Variants in GNA13 observed in about 807,000 individuals in gnomAD.
GNA13 encodes G protein subunit alpha 13.
Under a neutral mutation model 33.5 loss-of-function variants are expected in GNA13, and 4 were observed. That is an observed-to-expected ratio of 0.12 (90% CI 0.06 to 0.27). The LOEUF is 0.27. GNA13 is among the 10% of genes least tolerant of loss of function. GNA13 has a pLI of 1.00. For synonymous variants in GNA13, 176 were observed against 183.8 expected, an observed-to-expected ratio of 0.96 and a Z score of 0.34; for missense variants, 319 against 487.2, an observed-to-expected ratio of 0.65 and a Z score of 3.25.
chr17:65,026,815 G>T (rs1906801598), intron 2 of GNA13, among the ~76,000 whole-genome samples: 1 of 152,184 alleles, frequency 6.6e-6, no homozygotes, highest in Admixed American at 6.5e-5. Context: ...TTTCGCTCTT[G>T]TTGCCCAGGC....
chr17:65,055,926 G>C (rs975223106), intron 1 of GNA13, among the ~76,000 whole-genome samples: 5 of 152,172 alleles, frequency 3.3e-5, no homozygotes, highest in African/African-American at 7.2e-5. Flanking sequence ...AGCGGCTAGG[G>C]CTGCTATTGG....
intron 2 of GNA13, among the ~76,000 whole-genome samples, chr17:65,025,014 A>G (rs113354833): frequency 6.6e-6 from 1 of 152,120 alleles, no homozygotes; most frequent in African/African-American, 2.4e-5. Context: ...CTCCCACTTC[A>G]GCCTCCAGCG....
At chr17:65,046,243 A>ATAATTAAATTAAACAATTATTG in intron 2 of GNA13, among the ~76,000 whole-genome samples, 1 of 152,132 alleles carries the variant, frequency 6.6e-6, no homozygotes, top group South Asian at 2.1e-4. Flanking sequence ...AACAATTATT[A>ATAATTAAATTAAACAATTATTG]TAATTAAATT....
chr17:65,044,081 G>A lies in GNA13; in HGVS notation c.510+9421C>T, dbSNP rs542826594. ...AGGCTACATACAGTAAGCCATGACT[G>A]TGCCACTGCACATTGGCCTCGGGAA... On this transcript the variant is annotated intron_variant, in intron 2 of 3. Coordinates refer to ENST00000439174, the MANE Select transcript of GNA13 (RefSeq NM_006572.6). 1.6e-4 allele frequency among the ~76,000 whole-genome samples: 24 copies of A among 152,304 alleles called. 1 individual carries two copies. The South Asian group carries it at 5.0e-3, about 32-fold the overall frequency.
At chr17:65,017,682 C>G (rs1906419476) in intron 3 of GNA13, among the ~76,000 whole-genome samples, 1 of 152,154 alleles carries the variant, frequency 6.6e-6, no homozygotes, top group Non-Finnish European at 1.5e-5. Flanking sequence ...CTCCCCCTAC[C>G]TCGTGGAGTC....
intron 2 of GNA13, 63 bp downstream of exon 2, chr17:65,053,439 C>T: frequency 9.8e-7 from 1 of 1,022,442 alleles, no homozygotes; most frequent in Non-Finnish European, 1.5e-6. Flanking sequence ...TAGGGATGTG[C>T]AACCTGTATT....
chr17:65,025,717 T>G (rs1326138700), intron 2 of GNA13, among the ~76,000 whole-genome samples: 1 of 151,212 alleles, frequency 6.6e-6, no homozygotes, highest in African/African-American at 2.4e-5. Flanking sequence ...AGTGGCTCAA[T>G]GCCTGTAATC....
chr17:65,026,263 A>T (rs1211279817), intron 2 of GNA13, among the ~76,000 whole-genome samples: 1 of 151,766 alleles, frequency 6.6e-6, no homozygotes, highest in African/African-American at 2.4e-5. Flanking sequence ...CAAACCTCAA[A>T]TCCTTCAAAT....
At chr17:65,024,815 T>C (rs1906712947) in intron 2 of GNA13, among the ~76,000 whole-genome samples, 1 of 152,228 alleles carries the variant, frequency 6.6e-6, no homozygotes, top group South Asian at 2.1e-4. Flanking sequence ...TTACACAAAA[T>C]CTGTTTTTAA....
At chr17:65,027,720 T>C (rs1906845329) in intron 2 of GNA13, among the ~76,000 whole-genome samples, 1 of 152,222 alleles carries the variant, frequency 6.6e-6, no homozygotes, top group African/African-American at 2.4e-5. Context: ...CTAGGAACAC[T>C]GACATGCTAA....
At chr17:65,046,929 T>C (rs1907685576) in intron 2 of GNA13, among the ~76,000 whole-genome samples, 1 of 152,158 alleles carries the variant, frequency 6.6e-6, no homozygotes, top group African/African-American at 2.4e-5. Flanking sequence ...CCAGACATCC[T>C]ACAGCCAGTC....
intron 3 of GNA13, 117 bp downstream of exon 3, chr17:65,018,136 A>AAG (rs1906446835): frequency 1.9e-4 from 12 of 63,544 alleles, no homozygotes; most frequent in South Asian, 3.0e-4. Flanking sequence ...AAAAAAAAAA[A>AAG]AAAGAGAGAA....
chr17:65,011,689 T>A lies in GNA13; in HGVS notation c.*2568A>T, dbSNP rs1250704612. 2 of 226,510 alleles carry A rather than the reference T, an allele frequency of 8.8e-6. No homozygotes were observed. Among genetic ancestry groups the A allele is most frequent in the Non-Finnish European group, 1.8e-5 (2 of 113,674 alleles). 14.0% of individuals were successfully genotyped at this position (226,510 alleles called of 1,614,324 possible). A position where few individuals can be genotyped will look rare whatever the true frequency, so the allele number is the denominator to read the frequency against. On this transcript the variant is annotated 3_prime_UTR_variant, in exon 4 of 4. Coordinates refer to ENST00000439174, the MANE Select transcript of GNA13 (RefSeq NM_006572.6). Reference sequence around the variant, plus strand: ...AGAATGTAACACAGGATTAGGCACATTTTATTCCAAATCATAACCATAAAG... The same window carrying A: ...AGAATGTAACACAGGATTAGGCACAATTTATTCCAAATCATAACCATAAAG...
At chr17:65,032,351 T>A (rs1907081221) in intron 2 of GNA13, among the ~76,000 whole-genome samples, 3 of 152,314 alleles carry the variant, frequency 2.0e-5, no homozygotes, top group Admixed American at 2.0e-4. Context: ...ATATGAAATA[T>A]ACCATGAGAT....
At chr17:65,029,277 C>T (rs1567821052) in intron 2 of GNA13, among the ~76,000 whole-genome samples, 1 of 152,222 alleles carries the variant, frequency 6.6e-6, no homozygotes. Context: ...ATGCTCATCT[C>T]CCCATGCTTC....
In GNA13 at chr17:65,014,493, C is replaced by A; in HGVS notation, c.898G>T (p.Val300Leu). ...TAGTCTTTGATGCTCACAATTTGCA[C>A]CTTCTCCTCAAGCAAGTCTGTCTTG... The part of the protein sequence containing the change: ...LNKTDLLEEK[V>L]QIVSIKDYFL... Residue 300 changes from valine to leucine, a missense_variant, in exon 4 of 4, where the codon GTG becomes TTG. Val to Leu is a conservative substitution (Grantham distance 32, BLOSUM62 1). Around this residue, in one of 4 missense-constraint regions of GNA13, gnomAD observed 134 missense variants for 241.3 expected, o/e 0.56. Coordinates refer to ENST00000439174, the MANE Select transcript of GNA13 (RefSeq NM_006572.6). This position sits in a 1 kb window ranked among gnomAD's most constrained non-coding sequence, Gnocchi z 5.3. The A allele has an allele frequency of 1.2e-6, 2 of 1,613,774 alleles. No homozygotes were observed. Among genetic ancestry groups the A allele is most frequent in the Non-Finnish European group, 1.7e-6 (2 of 1,179,642 alleles).
At chr17:65,031,635 A>G (rs1192154454) in intron 2 of GNA13, among the ~76,000 whole-genome samples, 1 of 152,342 alleles carries the variant, frequency 6.6e-6, no homozygotes, top group East Asian at 1.9e-4. Context: ...CATCAGTGTT[A>G]TAATCCCAAA....
intron 2 of GNA13, among the ~76,000 whole-genome samples, chr17:65,037,777 G>GCAAAAAAAAAAAAAAAAAA (rs145051963): frequency 1.2e-5 from 1 of 82,042 alleles, no homozygotes. Flanking sequence ...CTACAAAAAT[G>GCAAAAAAAAAAAAAAAAAA]GAAAAAAAAA....
At chr17:65,036,076 G>A (rs987968764) in intron 2 of GNA13, among the ~76,000 whole-genome samples, 4 of 152,136 alleles carry the variant, frequency 2.6e-5, no homozygotes, top group African/African-American at 9.7e-5. Flanking sequence ...CAAAACAGGT[G>A]AAAGGAAAAC....
Sources: allele counts gnomAD v4.1 joint callset (sites outside exome capture counted in the v4.1 genomes callset), GRCh38; gene constraint gnomAD v4.1.1; regional missense constraint gnomAD v4.1.1; non-coding constraint Gnocchi (gnomAD v3.1); transcripts MANE v1.5; gene names NCBI Gene and HGNC (gene_info 2026-07-23, HGNC 2026-07-21).